Variants in ZSCAN26 observed in about 807,000 individuals in gnomAD.
ZSCAN26 encodes zinc finger and SCAN domain-containing protein 26.
Under a neutral mutation model 23.0 loss-of-function variants are expected in ZSCAN26, and 26 were observed. That is an observed-to-expected ratio of 1.13 (90% confidence interval 0.83 to 1.57). The LOEUF (loss-of-function observed/expected upper bound fraction) is 1.57. Among genes scored for constraint, ZSCAN26 ranks in the 40% most tolerant of loss-of-function variants. The pLI is 0.00. For synonymous variants in ZSCAN26, 180 were observed against 202.5 expected, an observed-to-expected ratio of 0.89 and a Z score of 0.94; for missense variants, 528 against 568.5, an observed-to-expected ratio of 0.93 and a Z score of 0.72.
intron 2 of ZSCAN26, 144 bp from the exon 3 acceptor site, chr6:28,272,526 T>A (rs1378138506): frequency 1.1e-5 from 11 of 959,556 alleles, no homozygotes; most frequent in Admixed American, 2.9e-5. Flanking sequence ...AAACTGAATG[T>A]GCACCAGATT....
rs746981982 is a variant in ZSCAN26 at position 28,276,611 on chromosome 6, G to A, written c.955G>A (p.Val319Ile). 3 of 1,612,618 alleles carry A rather than the reference G, an allele frequency of 1.9e-6. No homozygotes were observed. The South Asian group carries it at 3.3e-5, about 18-fold the overall frequency. The change falls in exon 4 of 4, where the codon GTC becomes ATC. Residue 319 changes from valine to isoleucine, a missense_variant. Val to Ile is a conservative substitution (Grantham distance 29). Transcript: ENST00000421553. Reference sequence around the variant, plus strand: ...TTATCAGTGCAATGAGTGTGGCAAAGTCTTTAGCCAGAATGCAGGCCTTTT... The same window carrying A: ...TTATCAGTGCAATGAGTGTGGCAAAATCTTTAGCCAGAATGCAGGCCTTTT... ...KPYQCNECGK[V>I]FSQNAGLLEH...
chr6:28,268,085 A>T (rs1761517663), intron 1 of ZSCAN26, among the ~76,000 whole-genome samples: 1 of 152,158 alleles, frequency 6.6e-6, no homozygotes, highest in African/African-American at 2.4e-5. Context: ...TCTGAGGTTT[A>T]GCTTTGGTAC....
At chr6:28,273,413 G>A (rs773775441) in intron 3 of ZSCAN26, among the ~76,000 whole-genome samples, 11 of 152,032 alleles carry the variant, frequency 7.2e-5, no homozygotes, top group Non-Finnish European at 1.2e-4. Context: ...TTGGTGGCGG[G>A]TGCCTGTAAT....
chr6:28,277,344 G>A lies in ZSCAN26; in HGVS notation c.*248G>A. The A allele has an allele frequency of 2.0e-6, 1 of 504,092 alleles. No homozygotes were observed. The highest frequency in any genetic ancestry group is 2.5e-5 in the South Asian group (1 of 40,062). 31.2% of individuals were successfully genotyped at this position (504,092 alleles called of 1,614,324 possible). A position where few individuals can be genotyped will look rare whatever the true frequency, so the allele number is the denominator to read the frequency against. ...TTCACTGCAGGACATCTCAGAGCAT[G>A]TAACATAACTGCATGATTATATACT... On this transcript the variant is annotated 3_prime_UTR_variant, in exon 4 of 4. Transcript: ENST00000421553.
At chr6:28,272,514 G>GA (rs1442566901) in intron 2 of ZSCAN26, among the ~76,000 whole-genome samples, 156 bp from the exon 3 acceptor site, 3 of 152,190 alleles carry the variant, frequency 2.0e-5, no homozygotes, top group Non-Finnish European at 4.4e-5. Context: ...CTTGCTTGGA[G>GA]AAAACTGAAT....
At chr6:28,268,056 A>G (rs1761516545) in intron 1 of ZSCAN26, among the ~76,000 whole-genome samples, 2 of 152,274 alleles carry the variant, frequency 1.3e-5, no homozygotes, top group Non-Finnish European at 2.9e-5. Context: ...TGTGGGTGCA[A>G]GAGATACTGG....
In ZSCAN26 at chr6:28,276,273, T is replaced by C. The variant is rs1168244537; in HGVS notation, c.617T>C (p.Ile206Thr). ...SCGRVESSGK[I>T]SEPMEAHNEG... ...GGAAGAGTAGAGTCATCTGGGAAAA[T>C]ATCTGAACCCATGGAGGCTCATAAT... Residue 206 changes from isoleucine (I) to threonine (T), a missense_variant, in exon 4 of 4, where the codon ATA (isoleucine) becomes ACA (threonine). Coordinates refer to ENST00000421553, the MANE Select transcript of ZSCAN26 (RefSeq NM_001023560.4). 6.2e-7 allele frequency: 1 copy of C among 1,613,794 alleles called. No individual in the cohort carries two copies. Among genetic ancestry groups the C allele is most frequent in the Non-Finnish European group, 8.5e-7 (1 of 1,179,872 alleles).
At chr6:28,273,225 T>C (rs1489519313) in intron 3 of ZSCAN26, among the ~76,000 whole-genome samples, 1 of 152,064 alleles carries the variant, frequency 6.6e-6, no homozygotes, top group Non-Finnish European at 1.5e-5. Context: ...GCACTGCACT[T>C]CAGTCTGGGC....
At chr6:28,271,200 C>T (rs146593956) in intron 1 of ZSCAN26, among the ~76,000 whole-genome samples, 1 of 152,246 alleles carries the variant, frequency 6.6e-6, no homozygotes, top group East Asian at 1.9e-4. Context: ...CATCTCACTT[C>T]TGTTTCTTAC....
intron 1 of ZSCAN26, among the ~76,000 whole-genome samples, chr6:28,268,668 A>G (rs894751249): frequency 6.6e-6 from 1 of 152,218 alleles, no homozygotes; most frequent in Non-Finnish European, 1.5e-5. Flanking sequence ...GATCAGATAC[A>G]TGAGATATGA....
Position 28,276,738 on chromosome 6 carries a change from A to C in ZSCAN26, c.1082A>C (p.His361Pro). The stretch of plus-strand genomic sequence containing the variant: ...CACCTTAATCGACATCAGAGAATTC[A>C]CAGTCAGGAGGAGCCCTGTGAGTGC... ...SSHLNRHQRI[H>P]SQEEPCECKE... Residue 361 changes from histidine to proline, a missense_variant, in exon 4 of 4, where the codon CAC becomes CCC. By Grantham distance (77) the His-to-Pro change is moderately conservative. Coordinates refer to ENST00000421553, the MANE Select transcript of ZSCAN26 (RefSeq NM_001023560.4). 1 of 1,613,772 alleles carries C rather than the reference A, an allele frequency of 6.2e-7. No homozygotes were observed.
rs539718240 is a variant in ZSCAN26, at chr6:28,276,365, C to T, written c.709C>T (p.Arg237Cys). 259 of 1,613,944 alleles carry T rather than the reference C, an allele frequency of 1.6e-4. No homozygotes were observed. In the South Asian group the frequency reaches 2.1e-3, roughly 13 times the overall value. ...KEKIEYKCSE[R>C]EQRFIQHLDL... is the part of the protein sequence containing the mutation. ...GAAGATTGAGTATAAATGCTCAGAA[C>T]GTGAGCAGAGATTCATCCAGCACTT... The change falls in exon 4 of 4, where the codon CGT becomes TGT. Residue 237 changes from arginine to cysteine, a missense_variant. Physicochemically the swap from Arg to Cys is radical, Grantham distance 180. Transcript: ENST00000421553.
At chr6:28,269,224 C>T (rs1761581075) in intron 1 of ZSCAN26, among the ~76,000 whole-genome samples, 1 of 151,500 alleles carries the variant, frequency 6.6e-6, no homozygotes, top group South Asian at 2.1e-4. Context: ...ATGTATGTGG[C>T]ATAGATATAT....
intron 1 of ZSCAN26, among the ~76,000 whole-genome samples, chr6:28,271,190 C>G (rs1761665900): frequency 6.6e-6 from 1 of 152,052 alleles, no homozygotes; most frequent in African/African-American, 2.4e-5. Flanking sequence ...TTTCCAGTTC[C>G]ATCTCACTTC....
At chr6:28,268,418 A>T (rs999022846) in intron 1 of ZSCAN26, among the ~76,000 whole-genome samples, 1 of 152,180 alleles carries the variant, frequency 6.6e-6, no homozygotes, top group African/African-American at 2.4e-5. Flanking sequence ...ACCATATTAA[A>T]TGTTTTGAAC....
chr6:28,277,128 A>G lies in ZSCAN26; in HGVS notation c.*32A>G, dbSNP rs1761984992. On this transcript the variant is annotated 3_prime_UTR_variant, in exon 4 of 4. Transcript: ENST00000421553. ...GTTCTCTCCTTGTAGAACATCAGAGAAGGCACATTGACTAGCAAACAGCAC... is the reference window on the plus strand; with the variant it reads ...GTTCTCTCCTTGTAGAACATCAGAGGAGGCACATTGACTAGCAAACAGCAC... 1.3e-6 allele frequency: 2 copies of G among 1,584,976 alleles called. No homozygotes were observed. Among genetic ancestry groups the G allele is most frequent in the Non-Finnish European group, 1.7e-6 (2 of 1,168,004 alleles).
intron 2 of ZSCAN26, 119 bp from the exon 3 acceptor site, chr6:28,272,550 TC>T: frequency 9.7e-7 from 1 of 1,031,530 alleles, no homozygotes; most frequent in Non-Finnish European, 1.4e-6. Flanking sequence ...CATCTTCTTT[TC>T]TTTGCCCCTC....
Position 28,272,176 on chromosome 6 carries a change from C to T in ZSCAN26, c.257C>T (p.Thr86Ile). ...CAGTGGCTACAGCCCGAGACCCATA[C>T]CAAGGAGCAGATCCTGGAGCTGCTG... is the stretch of plus-strand genomic sequence containing the variant. ...CQQWLQPETH[T>I]KEQILELLVL... is the part of the protein sequence containing the mutation. Residue 86 changes from threonine to isoleucine, a missense_variant, in exon 2 of 4, where the codon ACC becomes ATC. Physicochemically the swap from Thr to Ile is moderately conservative, Grantham distance 89. Transcript: ENST00000421553. 1.2e-6 allele frequency: 2 copies of T among 1,613,920 alleles called. No homozygotes were observed. The highest frequency in any genetic ancestry group is 1.7e-6 in the Non-Finnish European group (2 of 1,179,990).
In ZSCAN26 at chr6:28,272,668, A is replaced by T; in HGVS notation, c.421-2A>T. On this transcript the variant is annotated splice_acceptor_variant, in intron 2 of 3. Transcript: ENST00000421553. LOFTEE classifies it high-confidence loss of function. ...TGCCTCCATATACCTAATTGTCCCT[A>T]GGACCCAGACCAGCCAAAGAAACAA... 1 of 1,592,992 alleles carries T rather than the reference A, an allele frequency of 6.3e-7. No homozygotes were observed. The highest frequency in any genetic ancestry group is 8.5e-7 in the Non-Finnish European group (1 of 1,169,616).
Sources: allele counts gnomAD v4.1 joint callset (sites outside exome capture counted in the v4.1 genomes callset), GRCh38; gene constraint gnomAD v4.1.1; transcripts MANE v1.5; gene names NCBI Gene and HGNC (gene_info 2026-07-23, HGNC 2026-07-21).